The following SPATA16 variants were observed in gnomAD, a reference collection of about 807,000 sequenced individuals.
SPATA16 encodes the protein spermatogenesis associated 16.
Under a neutral mutation model 63.3 loss-of-function variants are expected in SPATA16, and 36 were observed. That is an observed-to-expected ratio of 0.57 (90% CI 0.44 to 0.75). SPATA16 has a LOEUF of 0.75. SPATA16 is among the 30% of genes least tolerant of loss of function. The probability of loss-of-function intolerance (pLI) is 0.00; values close to 1 mark genes in which losing one functional copy is unlikely to be tolerated. For missense variants in SPATA16, 646 were observed against 679.3 expected (o/e 0.95, Z 0.54); for synonymous variants, 203 against 216.7 (o/e 0.94, Z 0.56).
At chr3:172,964,361 T>C (rs1033056386) in intron 5 of SPATA16, among the ~76,000 whole-genome samples, 4 of 152,222 alleles carry the variant, frequency 2.6e-5, no homozygotes, top group Non-Finnish European at 4.4e-5. Context: ...TGAATAATTT[T>C]CTGCTTGCAC....
chr3:172,901,451 T>C (rs1170499894), intron 10 of SPATA16, among the ~76,000 whole-genome samples: 2 of 152,224 alleles, frequency 1.3e-5, no homozygotes, highest in Non-Finnish European at 2.9e-5. Flanking sequence ...CCACCTGCCT[T>C]GGCCTCCCAA....
chr3:173,098,954 C>G (rs1017722284), intron 2 of SPATA16, among the ~76,000 whole-genome samples: 1 of 152,048 alleles, frequency 6.6e-6, no homozygotes, highest in Non-Finnish European at 1.5e-5. Flanking sequence ...ATCAACCAAC[C>G]AACCAACCAA....
At chr3:172,976,218 AG>A (rs1200645060) in intron 5 of SPATA16, among the ~76,000 whole-genome samples, 2 of 152,136 alleles carry the variant, frequency 1.3e-5, no homozygotes, top group Admixed American at 1.3e-4. Context: ...GGAAGTTTTA[AG>A]GGAGTAGAAA....
At chr3:172,898,864 CTCAT>C (rs1732064860) in intron 10 of SPATA16, among the ~76,000 whole-genome samples, 1 of 151,714 alleles carries the variant, frequency 6.6e-6, no homozygotes, top group Admixed American at 6.6e-5. Flanking sequence ...ACATTTTTCT[CTCAT>C]TGCTATTTTA....
chr3:173,025,592 C>A (rs1019721845), intron 3 of SPATA16, among the ~76,000 whole-genome samples: 1 of 151,858 alleles, frequency 6.6e-6, no homozygotes, highest in Non-Finnish European at 1.5e-5. Flanking sequence ...ACAGTTCTCT[C>A]ATTTTCCTTT....
chr3:172,961,063 C>CT (rs1553786381), intron 5 of SPATA16, among the ~76,000 whole-genome samples: 581 of 28,758 alleles, frequency 0.02, 29 homozygotes, highest in Middle Eastern at 0.079. Flanking sequence ...TTCTTTCTTT[C>CT]TTCTTTCTTC....
intron 2 of SPATA16, among the ~76,000 whole-genome samples, chr3:173,070,381 C>A (rs1425339785): frequency 2.3e-5 from 3 of 129,016 alleles, no homozygotes; most frequent in Non-Finnish European, 3.2e-5. Context: ...GGCAACAGAA[C>A]AAGACTCTGT....
At chr3:173,114,612 A>G (rs968516050) in intron 2 of SPATA16, among the ~76,000 whole-genome samples, 2 of 152,212 alleles carry the variant, frequency 1.3e-5, no homozygotes, top group African/African-American at 4.8e-5. Context: ...AGAGAAATAA[A>G]CTTCTACCTT....
At chr3:173,013,830 C>T (rs1735123592) in intron 4 of SPATA16, among the ~76,000 whole-genome samples, 1 of 152,118 alleles carries the variant, frequency 6.6e-6, no homozygotes, top group South Asian at 2.1e-4. Flanking sequence ...AAACTCATTC[C>T]ATAAAACAAA....
At chr3:173,052,789 G>T (rs995055719) in intron 2 of SPATA16, among the ~76,000 whole-genome samples, 1 of 152,124 alleles carries the variant, frequency 6.6e-6, no homozygotes, top group East Asian at 1.9e-4. Flanking sequence ...TGAAACAAAG[G>T]GTATTTGTCT....
rs190319166 is a variant in SPATA16, at chr3:172,982,290, G to A, written c.849-5238C>T. Reference sequence around the variant, plus strand: ...AGTGAAAGTGGCATGGTAATGGAGTGACAGAATGGGCTTTGTCAGTCTAAT... The same window carrying A: ...AGTGAAAGTGGCATGGTAATGGAGTAACAGAATGGGCTTTGTCAGTCTAAT... On this transcript the variant is annotated intron_variant, in intron 4 of 10. Transcript: ENST00000351008. Among the ~76,000 whole-genome samples, 552 of 152,294 alleles carry A rather than the reference G, an allele frequency of 3.6e-3. 3 individuals carry two copies. Among genetic ancestry groups the A allele is most frequent in the African/African-American group, 0.013 (538 of 41,568 alleles).
At chr3:173,025,548 A>G (rs1050619060) in intron 3 of SPATA16, among the ~76,000 whole-genome samples, 3 of 151,940 alleles carry the variant, frequency 2.0e-5, no homozygotes, top group African/African-American at 7.2e-5. Context: ...AGCCATCAAC[A>G]CAATAGAGAT....
intron 4 of SPATA16, among the ~76,000 whole-genome samples, chr3:172,993,765 C>T (rs1377958449): frequency 6.6e-6 from 1 of 152,106 alleles, no homozygotes; most frequent in Non-Finnish European, 1.5e-5. Flanking sequence ...TCTTCTCTTT[C>T]CCCCTCCCCC....
intron 5 of SPATA16, among the ~76,000 whole-genome samples, chr3:172,976,527 T>C (rs1351043230): frequency 1.3e-5 from 2 of 152,144 alleles, no homozygotes; most frequent in African/African-American, 4.8e-5. Context: ...CAATTTGATA[T>C]TGGTTAAGTG....
chr3:172,982,373 T>C (rs758688776), intron 4 of SPATA16, among the ~76,000 whole-genome samples: 74 of 152,332 alleles, frequency 4.9e-4, no homozygotes, highest in East Asian at 1.2e-3. Context: ...TGGATGCTGA[T>C]GTATTTATGG....
intron 4 of SPATA16, among the ~76,000 whole-genome samples, chr3:173,014,689 C>A (rs1237490043): frequency 1.3e-5 from 2 of 152,204 alleles, no homozygotes. Context: ...AAAGTTGAAC[C>A]TACATTCCCA....
chr3:173,033,997 G>T (rs905581990), intron 3 of SPATA16, among the ~76,000 whole-genome samples: 7 of 152,090 alleles, frequency 4.6e-5, no homozygotes, highest in Admixed American at 6.6e-5. Context: ...GAGCTGCCGC[G>T]CCTGGCTGAG....
intron 2 of SPATA16, among the ~76,000 whole-genome samples, chr3:173,098,206 AC>A (rs1471712072): frequency 6.6e-6 from 1 of 152,040 alleles, no homozygotes; most frequent in African/African-American, 2.4e-5. Context: ...TAGACAATGT[AC>A]CCAGCCATCC....
intron 4 of SPATA16, among the ~76,000 whole-genome samples, chr3:172,981,949 T>C (rs1481749389): frequency 6.6e-6 from 1 of 152,202 alleles, no homozygotes; most frequent in African/African-American, 2.4e-5. Context: ...AGAAATCCTA[T>C]GTTTCACAAA....
Sources: allele counts gnomAD v4.1 joint callset (sites outside exome capture counted in the v4.1 genomes callset), GRCh38; gene constraint gnomAD v4.1.1; transcripts MANE v1.5; gene names NCBI Gene and HGNC (gene_info 2026-07-23, HGNC 2026-07-21).